Variants in ITGB3BP observed in about 807,000 individuals in gnomAD.
ITGB3BP encodes centromere protein R.
ITGB3BP carries 27 observed loss-of-function variants against 29.1 expected under a neutral mutation model. The ratio of observed to expected loss-of-function variants is 0.93; its 90% CI spans 0.68 to 1.28. ITGB3BP has a LOEUF of 1.28. Among genes scored for constraint, ITGB3BP ranks in the 50% most tolerant of loss-of-function variants. ITGB3BP has a pLI of 0.00. For missense variants in ITGB3BP, 192 were observed against 200.2 expected (o/e 0.96, Z 0.25); for synonymous variants, 61 against 61.4 (o/e 0.99, Z 0.03).
At chr1:63,472,149 G>A (rs1355101254) in intron 4 of ITGB3BP, among the ~76,000 whole-genome samples, 1 of 150,772 alleles carries the variant, frequency 6.6e-6, no homozygotes, top group African/African-American at 2.4e-5. Flanking sequence ...ATAATAAATT[G>A]GCATTTCCAT....
intron 3 of ITGB3BP, among the ~76,000 whole-genome samples, chr1:63,489,712 T>C (rs1380211863): frequency 6.6e-6 from 1 of 152,078 alleles, no homozygotes; most frequent in African/African-American, 2.4e-5. Flanking sequence ...AAATAACATT[T>C]AGAAGTATCA....
Position 63,490,165 on chromosome 1 carries a change from T to C in ITGB3BP, c.102A>G (p.Pro34=). 6.2e-7 allele frequency: 1 copy of C among 1,600,676 alleles called. No individual in the cohort carries two copies. Among genetic ancestry groups the C allele is most frequent in the Non-Finnish European group, 8.6e-7 (1 of 1,168,656 alleles). The change falls in exon 3 of 9, where the codon CCA becomes CCG. Residue 34 remains proline (P), a synonymous_variant. Transcript: ENST00000271002. ...TRKKSVITYS[P]TTGTCQMSLF... is the part of the protein sequence containing the mutation. The stretch of plus-strand genomic sequence containing the variant: ...GACTCATTTGACAAGTTCCAGTTGT[T>C]GGAGAATAAGTTATAACACTTTTCT...
At chr1:63,490,356 A>C in intron 2 of ITGB3BP, 138 bp from the exon 3 acceptor site, 3 of 594,066 alleles carry the variant, frequency 5.0e-6, no homozygotes, top group Non-Finnish European at 8.7e-6. Context: ...ATACTCAACT[A>C]TCACTCTCAA....
chr1:63,490,200 T>G lies in ITGB3BP; in HGVS notation c.67A>C (p.Ile23Leu). Residue 23 changes from isoleucine (I) to leucine (L), a missense_variant, in exon 3 of 9, where the codon ATC becomes CTC. Ile to Leu is a conservative substitution (Grantham distance 5). Coordinates refer to ENST00000271002, the MANE Select transcript of ITGB3BP (RefSeq NM_014288.5). ...LEENSFDPSK[I>L]TRKKSVITYS... ...GTTATAACACTTTTCTTCCTTGTGATTTTTGAAGGATCAAATGACTGGAAA... is the reference window on the plus strand; with the variant it reads ...GTTATAACACTTTTCTTCCTTGTGAGTTTTGAAGGATCAAATGACTGGAAA... 1.3e-6 allele frequency: 2 copies of G among 1,573,144 alleles called. No individual in the cohort carries two copies. Among genetic ancestry groups the G allele is most frequent in the Middle Eastern group, 3.4e-4 (2 of 5,862 alleles).
intron 7 of ITGB3BP, among the ~76,000 whole-genome samples, chr1:63,449,126 G>A (rs1644828272): frequency 6.6e-6 from 1 of 152,048 alleles, no homozygotes; most frequent in Non-Finnish European, 1.5e-5. Context: ...CGCTGTAGAA[G>A]GAAAATTTAT....
chr1:63,505,811 T>C (rs1266321243), intron 2 of ITGB3BP, among the ~76,000 whole-genome samples: 2 of 152,216 alleles, frequency 1.3e-5, no homozygotes, highest in African/African-American at 4.8e-5. Context: ...AGTTTCCATG[T>C]AGTTGAGCGG....
chr1:63,515,976 T>A (rs755458058), intron 1 of ITGB3BP, among the ~76,000 whole-genome samples: 8 of 151,804 alleles, frequency 5.3e-5, no homozygotes, highest in Middle Eastern at 3.4e-3. Context: ...AGTCATGGAA[T>A]CATCTTGTGT....
At chr1:63,507,955 A>T (rs991928268) in intron 2 of ITGB3BP, among the ~76,000 whole-genome samples, 1 of 152,194 alleles carries the variant, frequency 6.6e-6, no homozygotes, top group Non-Finnish European at 1.5e-5. Flanking sequence ...ATAAACTAAC[A>T]TATGTCATGA....
chr1:63,491,465 A>G (rs190039344), intron 2 of ITGB3BP, among the ~76,000 whole-genome samples: 11 of 152,292 alleles, frequency 7.2e-5, no homozygotes, highest in Non-Finnish European at 1.3e-4. Flanking sequence ...AACAGACAGC[A>G]TAGGATGGAT....
At position 63,454,112 on chromosome 1, in the gene ITGB3BP, A is replaced by G. The variant is rs1026640291; in HGVS notation, c.428-138T>C. Reference sequence around the variant, plus strand: ...ATAAGTACCAAATATAAAATATAATACCTTATTATATATTATAAAAATGGG... The same window carrying G: ...ATAAGTACCAAATATAAAATATAATGCCTTATTATATATTATAAAAATGGG... On this transcript the variant is annotated intron_variant, in intron 6 of 8. Coordinates refer to ENST00000271002, the MANE Select transcript of ITGB3BP (RefSeq NM_014288.5). The surrounding 1 kb of genome is among the most constrained non-coding windows in gnomAD (Gnocchi z 4.1). The G allele has an allele frequency of 2.0e-6, 1 of 489,096 alleles. No individual in the cohort carries two copies. Among genetic ancestry groups the G allele is most frequent in the Non-Finnish European group, 3.5e-6 (1 of 282,110 alleles). 30.3% of individuals were successfully genotyped at this position (489,096 alleles called of 1,614,324 possible). A position where few individuals can be genotyped will look rare whatever the true frequency, so the allele number is the denominator to read the frequency against.
intron 4 of ITGB3BP, among the ~76,000 whole-genome samples, chr1:63,469,812 A>C (rs1216773326): frequency 6.6e-6 from 1 of 152,244 alleles, no homozygotes; most frequent in Non-Finnish European, 1.5e-5. Context: ...CAAGCCCCCC[A>C]AAATCTGGCC....
At position 63,523,080 on chromosome 1, in the gene ITGB3BP, T is replaced by C. The variant is rs766870854; in HGVS notation, c.5+49A>G. On this transcript the variant is annotated intron_variant, in intron 1 of 8. Transcript: ENST00000271002. The stretch of plus-strand genomic sequence containing the variant: ...TACTGGGCCACATAATATCTTCTCT[T>C]CTTGCAGAGGGCCCCCAAAACAGCA... 3.1e-6 allele frequency: 5 copies of C among 1,610,864 alleles called. No individual in the cohort carries two copies. The South Asian group carries it at 5.5e-5, about 18-fold the overall frequency.
chr1:63,507,538 A>G (rs779949113), intron 2 of ITGB3BP, among the ~76,000 whole-genome samples: 1 of 152,230 alleles, frequency 6.6e-6, no homozygotes, highest in Non-Finnish European at 1.5e-5. Context: ...CCAAAAAACC[A>G]TTCTGACCAA....
intron 2 of ITGB3BP, among the ~76,000 whole-genome samples, chr1:63,493,762 C>T (rs115666681): frequency 2.0e-5 from 3 of 152,202 alleles, no homozygotes; most frequent in Non-Finnish European, 4.4e-5. Context: ...CAAAAAAGTG[C>T]CTACATTTTA....
intron 7 of ITGB3BP, among the ~76,000 whole-genome samples, chr1:63,451,413 TAATAAA>T (rs1644857761): frequency 6.6e-6 from 1 of 151,850 alleles, no homozygotes; most frequent in Non-Finnish European, 1.5e-5. Flanking sequence ...TGTAATAGCA[TAATAAA>T]AATAAATAAA....
intron 2 of ITGB3BP, among the ~76,000 whole-genome samples, chr1:63,528,894 GC>G (rs1423785688): frequency 2.6e-5 from 4 of 151,964 alleles, no homozygotes; most frequent in Admixed American, 2.0e-4. Context: ...ATTATTAGTA[GC>G]AGTAGTGTAG....
At chr1:63,447,335 T>TTCA (rs1455660739) in intron 7 of ITGB3BP, among the ~76,000 whole-genome samples, 2 of 152,212 alleles carry the variant, frequency 1.3e-5, no homozygotes, top group Non-Finnish European at 2.9e-5. Flanking sequence ...GTTCTTTTCA[T>TTCA]TCATCACACA....
chr1:63,472,234 A>G (rs1336975866), intron 4 of ITGB3BP, among the ~76,000 whole-genome samples: 3 of 151,738 alleles, frequency 2.0e-5, no homozygotes, highest in African/African-American at 7.3e-5. Context: ...GTGAGTTTCT[A>G]AATTTGTATA....
intron 1 of ITGB3BP, among the ~76,000 whole-genome samples, chr1:63,521,876 T>C (rs1457717338): frequency 1.3e-5 from 2 of 152,228 alleles, no homozygotes; most frequent in African/African-American, 4.8e-5. Context: ...ACCACTTGTT[T>C]GGCAAATACA....
Sources: gnomAD v4.1 joint callset for allele counts (sites outside exome capture counted in the v4.1 genomes callset) on GRCh38, gnomAD v4.1.1 for gene constraint, Gnocchi (gnomAD v3.1) non-coding constraint, MANE v1.5 for transcripts, NCBI Gene and HGNC (gene_info 2026-07-23, HGNC 2026-07-21) for gene names.